ARNT2: variants seen among roughly 807,000 people sequenced by gnomAD.
The protein encoded by ARNT2 is ARNT protein 2.
In ARNT2, 36 loss-of-function variants were observed where a neutral mutation model predicts 91.7. The observed-to-expected ratio is 0.39, with a 90% CI of 0.30 to 0.52. The LOEUF (loss-of-function observed/expected upper bound fraction) is 0.52. Ranked by LOEUF, ARNT2 falls within the 20% of genes least tolerant of loss-of-function variation. ARNT2 has a pLI of 0.72. For synonymous variants in ARNT2, 365 were observed against 347.1 expected, an observed-to-expected ratio of 1.05 and a Z score of -0.57; for missense variants, 775 against 939.3, an observed-to-expected ratio of 0.83 and a Z score of 2.29.
intron 8 of ARNT2, among the ~76,000 whole-genome samples, chr15:80,524,429 G>A (rs144229760): frequency 1.3e-5 from 2 of 152,314 alleles, no homozygotes; most frequent in African/African-American, 2.4e-5. Flanking sequence ...AATCAGAGAT[G>A]TGTGCATGTG....
At chr15:80,573,262 T>G (rs536103029) in intron 12 of ARNT2, among the ~76,000 whole-genome samples, 1 of 152,392 alleles carries the variant, frequency 6.6e-6, no homozygotes, top group South Asian at 2.1e-4. Context: ...AATGTTTCCC[T>G]GACTTGTTTA....
In ARNT2 at chr15:80,506,696, G is replaced by GATGT. The variant is rs1189611309; in HGVS notation, c.623-1459_623-1456dup. Among the ~76,000 whole-genome samples the GATGT allele has an allele frequency of 1.1e-4, 17 of 152,304 alleles. No individual in the cohort carries two copies. The East Asian group carries it at 3.3e-3, about 29-fold the overall frequency. On this transcript the variant is annotated intron_variant, in intron 5 of 18. Coordinates refer to ENST00000303329, the MANE Select transcript of ARNT2 (RefSeq NM_014862.4). ...TTTATCAGCTGGAGATGGACATCTT[G>GATGT]ATGTCCTCAGTATGTAAGAGGTGGT...
At chr15:80,568,699 A>G (rs540141311) in intron 12 of ARNT2, among the ~76,000 whole-genome samples, 1 of 152,276 alleles carries the variant, frequency 6.6e-6, no homozygotes, top group South Asian at 2.1e-4. Context: ...GCTATCCTGG[A>G]TCCCTCCCTC....
rs112478963 is a variant in ARNT2, at chr15:80,584,021, C to A, written c.1918+2617C>A. Among the ~76,000 whole-genome samples the A allele has an allele frequency of 3.4e-3, 522 of 152,288 alleles. 2 individuals are homozygous for A. The highest frequency in any genetic ancestry group is 0.011 in the African/African-American group (454 of 41,548). On this transcript the variant is annotated intron_variant, in intron 17 of 18. Coordinates refer to ENST00000303329, the MANE Select transcript of ARNT2 (RefSeq NM_014862.4). ...CAGTGCATCATGTGTTACCTTTGGC[C>A]ACAGCTATTTGAGTGGAATAGGATG... is the stretch of plus-strand genomic sequence containing the variant.
At chr15:80,554,577 G>T (rs1488084111) in intron 10 of ARNT2, 1 of 159,400 alleles carries the variant, frequency 6.3e-6, no homozygotes, top group Non-Finnish European at 1.4e-5. Flanking sequence ...ATGTAGCATA[G>T]ACTAATGATG....
chr15:80,440,310 C>T (rs1896168983), intron 1 of ARNT2, among the ~76,000 whole-genome samples: 1 of 152,190 alleles, frequency 6.6e-6, no homozygotes, highest in South Asian at 2.1e-4. Flanking sequence ...TTGAATGGGT[C>T]ACTCATCCTT....
At position 80,538,399 on chromosome 15, in the gene ARNT2, AT is replaced by A. The variant is rs376440834; in HGVS notation, c.878-12793del. 2.1e-3 allele frequency among the ~76,000 whole-genome samples: 323 copies of A among 152,230 alleles called. 8 individuals are homozygous for A. The East Asian group carries it at 0.032, about 15-fold the overall frequency. On this transcript the variant is annotated intron_variant, in intron 8 of 18. Coordinates refer to ENST00000303329, the MANE Select transcript of ARNT2 (RefSeq NM_014862.4). Reference sequence around the variant, plus strand: ...CAAACTTATAGAACTTGGAAAGCCCATTTTTTTAATCCCAGTGCAATAAATC... The same window carrying A: ...CAAACTTATAGAACTTGGAAAGCCCATTTTTTAATCCCAGTGCAATAAATC...
At chr15:80,462,949 AG>A (rs1340794449) in intron 3 of ARNT2, among the ~76,000 whole-genome samples, 4 of 152,036 alleles carry the variant, frequency 2.6e-5, no homozygotes, top group African/African-American at 9.7e-5. Flanking sequence ...CTGGCTTTAT[AG>A]GTTGTGGTGA....
At chr15:80,422,328 C>T (rs189640476) in intron 1 of ARNT2, among the ~76,000 whole-genome samples, 27 of 152,246 alleles carry the variant, frequency 1.8e-4, no homozygotes, top group African/African-American at 6.0e-4. Flanking sequence ...CAGTAACAAA[C>T]AGCAGACATA....
intron 10 of ARNT2, among the ~76,000 whole-genome samples, chr15:80,553,638 CAT>C (rs965143202): frequency 4.0e-5 from 6 of 151,790 alleles, no homozygotes; most frequent in East Asian, 1.9e-4. Flanking sequence ...AATGTGATAA[CAT>C]ATTGATAATT....
chr15:80,582,930 C>A (rs905804065), intron 17 of ARNT2, among the ~76,000 whole-genome samples: 1 of 152,170 alleles, frequency 6.6e-6, no homozygotes, highest in Admixed American at 6.5e-5. Flanking sequence ...GGAGAGACCC[C>A]TTCACCTCCT....
chr15:80,577,891 T>TG (rs1898709362), intron 15 of ARNT2, among the ~76,000 whole-genome samples: 1 of 152,182 alleles, frequency 6.6e-6, no homozygotes, highest in East Asian at 1.9e-4. Context: ...TCTGAGGCTC[T>TG]GGGGAGCCCT....
intron 8 of ARNT2, among the ~76,000 whole-genome samples, chr15:80,543,061 C>G (rs1327317376): frequency 1.4e-5 from 2 of 140,412 alleles, no homozygotes; most frequent in Admixed American, 8.0e-5. Context: ...CGCGCCACTG[C>G]ACTCCAGCCT....
intron 5 of ARNT2, among the ~76,000 whole-genome samples, chr15:80,504,838 G>C (rs1897251521): frequency 1.3e-5 from 2 of 152,094 alleles, no homozygotes; most frequent in African/African-American, 4.8e-5. Context: ...TGGCTGGGAA[G>C]GGCCAGGGAT....
chr15:80,511,310 A>G (rs1595992019), intron 6 of ARNT2, among the ~76,000 whole-genome samples: 1 of 152,188 alleles, frequency 6.6e-6, no homozygotes, highest in East Asian at 1.9e-4. Flanking sequence ...CTCACTTACA[A>G]GTGAGAGCTA....
chr15:80,561,171 C>T (rs1898338465), intron 11 of ARNT2, among the ~76,000 whole-genome samples: 1 of 152,184 alleles, frequency 6.6e-6, no homozygotes, highest in African/African-American at 2.4e-5. Flanking sequence ...AAGAATAGAC[C>T]ACAAGTGTGG....
rs75121790 is a variant in ARNT2 at position 80,429,675 on chromosome 15, C to T, written c.32-21205C>T. Among the ~76,000 whole-genome samples the T allele has an allele frequency of 8.1e-4, 123 of 152,302 alleles. 1 individual carries two copies. Among genetic ancestry groups the T allele is most frequent in the East Asian group, 6.2e-3 (32 of 5,184 alleles). On this transcript the variant is annotated intron_variant, in intron 1 of 18. Transcript: ENST00000303329. ...GTAGGAGGCTCGGACGTGTGATTGG[C>T]ATCTGAAGTGGGGCAGTCGTGTGGG...
intron 1 of ARNT2, among the ~76,000 whole-genome samples, chr15:80,431,278 G>A (rs1896005658): frequency 1.3e-5 from 2 of 152,104 alleles, no homozygotes; most frequent in South Asian, 4.1e-4. Flanking sequence ...TCTGTGCAGG[G>A]GTATCACTGG....
chr15:80,412,573 T>C (rs781045430), intron 1 of ARNT2, among the ~76,000 whole-genome samples: 1 of 152,184 alleles, frequency 6.6e-6, no homozygotes, highest in Admixed American at 6.5e-5. Context: ...TTTTTTCCCT[T>C]CATTAATGGT....
Sources: allele counts gnomAD v4.1 joint callset (sites outside exome capture counted in the v4.1 genomes callset), GRCh38; gene constraint gnomAD v4.1.1; transcripts MANE v1.5; gene names NCBI Gene and HGNC (gene_info 2026-07-23, HGNC 2026-07-21).